SEC31B: variants seen among roughly 807,000 people sequenced by gnomAD.
SEC31B encodes SEC31 homolog B, COPII component, also known as protein transport protein Sec31B.
A neutral mutation model predicts 135.0 loss-of-function variants in SEC31B; 113 were observed. The observed-to-expected ratio is 0.84, with a 90% confidence interval of 0.72 to 0.98. The LOEUF (loss-of-function observed/expected upper bound fraction) is 0.98. SEC31B is among the 50% of genes least tolerant of loss of function. The probability of loss-of-function intolerance (pLI) is 0.00; values close to 1 mark genes in which losing one functional copy is unlikely to be tolerated. For missense variants in SEC31B, 1,296 were observed against 1,421.1 expected (o/e 0.91, Z 1.42); for synonymous variants, 508 against 549.4 (o/e 0.92, Z 1.05).
At chr10:100,506,898 G>A (rs984547587) in intron 7 of SEC31B, among the ~76,000 whole-genome samples, 3 of 152,110 alleles carry the variant, frequency 2.0e-5, no homozygotes, top group South Asian at 2.1e-4. Context: ...CCAGGAGATC[G>A]AGGTCACAGT....
In SEC31B at chr10:100,509,338, G is replaced by A; in HGVS notation, c.377C>T (p.Ala126Val). 6.2e-7 allele frequency: 1 copy of A among 1,613,744 alleles called. No individual in the cohort carries two copies. Among genetic ancestry groups the A allele is most frequent in the Non-Finnish European group, 8.5e-7 (1 of 1,180,002 alleles). ...TACCTGGAAAGGATTCAAGTCGAGG[G>A]CTCTGACAGCCCCCGTGTGCTTCTG... ...QKQKHTGAVR[A>V]LDLNPFQGNL... The change falls in exon 4 of 26, where the codon GCC becomes GTC. Residue 126 changes from alanine (A) to valine (V), a missense_variant. Coordinates refer to ENST00000370345, the MANE Select transcript of SEC31B (RefSeq NM_015490.4).
At chr10:100,513,663 T>C (rs992166618) in intron 3 of SEC31B, among the ~76,000 whole-genome samples, 1 of 150,768 alleles carries the variant, frequency 6.6e-6, no homozygotes, top group Non-Finnish European at 1.5e-5. Flanking sequence ...AGAGACGGGG[T>C]TTCACTATGT....
At chr10:100,518,810 G>C (rs536284466) in intron 1 of SEC31B, among the ~76,000 whole-genome samples, 126 of 152,182 alleles carry the variant, frequency 8.3e-4, no homozygotes, top group Non-Finnish European at 1.6e-3. Flanking sequence ...ACTTTCTAGC[G>C]TGAAGAAAGT....
At chr10:100,504,669 C>T (rs1264036017) in intron 10 of SEC31B, among the ~76,000 whole-genome samples, 1 of 151,884 alleles carries the variant, frequency 6.6e-6, no homozygotes, top group Non-Finnish European at 1.5e-5. Flanking sequence ...TAGAATGTAT[C>T]GTTACCAAAG....
chr10:100,505,677 G>A, intron 9 of SEC31B, 182 bp from the exon 10 acceptor site: 1 of 1,415,904 alleles, frequency 7.1e-7, no homozygotes, highest in Non-Finnish European at 9.2e-7. Context: ...CATGCAAGTA[G>A]GCTCTTGGAA....
At chr10:100,501,911 T>A (rs1217454515) in intron 11 of SEC31B, among the ~76,000 whole-genome samples, 1 of 152,266 alleles carries the variant, frequency 6.6e-6, no homozygotes, top group African/African-American at 2.4e-5. Context: ...CTCCCTTTTT[T>A]CTTCCTTCCC....
In SEC31B at chr10:100,495,367, G is replaced by T; in HGVS notation, c.2472+18C>A. ...CGTATTATTGAATGAACAAATGAATGAACAAACGAGGTCTTACCTGGTGAG... is the reference window on the plus strand; with the variant it reads ...CGTATTATTGAATGAACAAATGAATTAACAAACGAGGTCTTACCTGGTGAG... On this transcript the variant is annotated intron_variant, in intron 19 of 25. Transcript: ENST00000370345. 6.2e-7 allele frequency: 1 copy of T among 1,608,012 alleles called. No homozygotes were observed. Among genetic ancestry groups the T allele is most frequent in the South Asian group, 1.1e-5 (1 of 89,808 alleles).
intron 9 of SEC31B, 187 bp from the exon 10 acceptor site, chr10:100,505,682 T>C: frequency 7.1e-7 from 1 of 1,413,666 alleles, no homozygotes. Context: ...AAGTAGGCTC[T>C]TGGAAAGACT....
At chr10:100,506,015 G>C (rs1364645009) in intron 9 of SEC31B, 25 bp downstream of exon 9, 8 of 1,612,350 alleles carry the variant, frequency 5.0e-6, no homozygotes, top group Non-Finnish European at 6.8e-6. Context: ...CTTCCCTCCA[G>C]CATTCTCTAC....
At chr10:100,504,184 G>A (rs1161383564) in intron 10 of SEC31B, among the ~76,000 whole-genome samples, 2 of 152,320 alleles carry the variant, frequency 1.3e-5, no homozygotes, top group East Asian at 3.9e-4. Context: ...ATAAATGACA[G>A]AGCTATGATA....
Position 100,507,454 on chromosome 10 carries a change from C to T in SEC31B, c.753G>A (p.Ser251=), listed in dbSNP as rs776800579. Residue 251 remains serine, a synonymous_variant, in exon 7 of 26, where the codon TCG becomes TCA. Coordinates refer to ENST00000370345, the MANE Select transcript of SEC31B (RefSeq NM_015490.4). The part of the protein sequence containing the change: ...IQLWDLRFAS[S]PLKVLESHSR... ...TGTGGCTCTCCAGCACCTTCAAGGG[C>T]GAGGAGGCAAAGCGCAAGTCCCACA... The T allele has an allele frequency of 1.4e-5, 23 of 1,614,074 alleles. No homozygotes were observed. Among genetic ancestry groups the T allele is most frequent in the African/African-American group, 1.3e-4 (10 of 74,922 alleles).
chr10:100,497,214 T>C lies in SEC31B; in HGVS notation c.2057A>G (p.Tyr686Cys). The C allele has an allele frequency of 6.2e-7, 1 of 1,614,202 alleles. No individual in the cohort carries two copies. The highest frequency in any genetic ancestry group is 1.1e-5 in the South Asian group (1 of 91,078). ...CCGCTCCACACTCCCTGAGCACACA[T>C]AACAGAGTCTGGCTTCGGAGGTTAG... ...RALTSEARLC[Y>C]VCSGSVERLV... Residue 686 changes from tyrosine (Y) to cysteine (C), a missense_variant, in exon 17 of 26, where the codon TAT becomes TGT. Physicochemically the swap from Tyr to Cys is radical, Grantham distance 194 (BLOSUM62 -2). Transcript: ENST00000370345.
At chr10:100,495,203 C>T (rs919379765) in intron 19 of SEC31B, 182 bp downstream of exon 19, 3 of 641,744 alleles carry the variant, frequency 4.7e-6, no homozygotes, top group Non-Finnish European at 8.1e-6. Flanking sequence ...AATTTTTGCA[C>T]CTTTATGTCC....
chr10:100,499,052 A>G, intron 13 of SEC31B, 108 bp downstream of exon 13: 1 of 880,408 alleles, frequency 1.1e-6, no homozygotes, highest in Non-Finnish European at 1.8e-6. Flanking sequence ...ACTTCTACAG[A>G]CGCTAAACAC....
chr10:100,488,068 G>A lies in SEC31B; in HGVS notation c.3319C>T (p.Gln1107Ter), dbSNP rs1490565941. ...TTCTCATATAGATACTCCAGACGCTGGGCTGCCTCTTCCAGCTTCCTTTTT... is the reference window on the plus strand; with the variant it reads ...TTCTCATATAGATACTCCAGACGCTAGGCTGCCTCTTCCAGCTTCCTTTTT... ...KTKRKLEEAA[Q>*]RLEYLYEKLC... is the part of the protein sequence containing the mutation. Residue 1107 changes from glutamine to a stop codon, truncating the protein, a stop_gained, in exon 25 of 26, where the codon CAG becomes TAG. Transcript: ENST00000370345. LOFTEE classifies it high-confidence loss of function. 1 of 1,613,996 alleles carries A rather than the reference G, an allele frequency of 6.2e-7. No homozygotes were observed. Among genetic ancestry groups the A allele is most frequent in the Non-Finnish European group, 8.5e-7 (1 of 1,180,016 alleles).
intron 3 of SEC31B, among the ~76,000 whole-genome samples, chr10:100,511,109 C>A (rs144675761): frequency 6.6e-6 from 1 of 152,166 alleles, no homozygotes; most frequent in Non-Finnish European, 1.5e-5. Context: ...GGGGGAGTCA[C>A]CAAAGGGCTG....
intron 19 of SEC31B, among the ~76,000 whole-genome samples, chr10:100,491,375 G>A (rs921594988): frequency 2.6e-5 from 4 of 152,086 alleles, no homozygotes; most frequent in African/African-American, 9.7e-5. Flanking sequence ...GAAAATAGAA[G>A]GAACACTTCC....
intron 18 of SEC31B, among the ~76,000 whole-genome samples, chr10:100,495,897 A>G (rs553938327): frequency 6.4e-4 from 98 of 152,188 alleles, no homozygotes; most frequent in Non-Finnish European, 1.3e-3. Flanking sequence ...CCTGCCAAAC[A>G]CTTGCATGCC....
In SEC31B at chr10:100,501,088, CTAA is replaced by C. The variant is rs1431085480; in HGVS notation, c.1410+1163_1410+1165del. On this transcript the variant is annotated intron_variant, in intron 11 of 25. Coordinates refer to ENST00000370345, the MANE Select transcript of SEC31B (RefSeq NM_015490.4). Reference sequence around the variant, plus strand: ...ATACAAAAAAAAAAAAACCCTGTCTCTAAAAAAAAATACAGGCGTGGTGGCAGG... The same window carrying C: ...ATACAAAAAAAAAAAAACCCTGTCTCAAAAAAATACAGGCGTGGTGGCAGG... Among the ~76,000 whole-genome samples the C allele has an allele frequency of 1.3e-4, 18 of 140,928 alleles. No homozygotes were observed. The East Asian group carries it at 3.5e-3, about 27-fold the overall frequency. 92.5% of individuals were successfully genotyped at this position (140,928 alleles called of 152,430 possible).
Sources: allele counts gnomAD v4.1 joint callset (sites outside exome capture counted in the v4.1 genomes callset), GRCh38; gene constraint gnomAD v4.1.1; transcripts MANE v1.5; gene names NCBI Gene and HGNC (gene_info 2026-07-23, HGNC 2026-07-21).